The following FGF13 variants were observed in gnomAD, a reference collection of about 807,000 sequenced individuals.
FGF13 encodes the protein fibroblast growth factor 13.
In FGF13, 2 loss-of-function variants were observed where a neutral mutation model predicts 19.5. That is an observed-to-expected ratio of 0.10 (90% CI 0.04 to 0.32). FGF13 has a LOEUF of 0.32. FGF13 is among the 10% of genes least tolerant of loss of function. The probability of loss-of-function intolerance (pLI) is 1.00; values close to 1 mark genes in which losing one functional copy is unlikely to be tolerated. For missense variants in FGF13, 113 were observed against 192.7 expected (o/e 0.59, Z 2.45); for synonymous variants, 72 against 76.9 (o/e 0.94, Z 0.33).
At chrX:139,016,492 CAT>C (rs1177811338) in intron 1 of FGF13, among the ~76,000 whole-genome samples, 5 of 111,589 alleles carry the variant, frequency 4.5e-5, no homozygotes. Context: ...AAAAGTGTAA[CAT>C]ATATAATTTA....
chrX:138,909,125 T>C (rs1323293886), intron 1 of FGF13, among the ~76,000 whole-genome samples: 1 of 111,951 alleles, frequency 8.9e-6, no homozygotes, highest in African/African-American at 3.2e-5. Context: ...GTTGTCTTTA[T>C]GTGGTTTTCC....
intron 1 of FGF13, among the ~76,000 whole-genome samples, chrX:138,928,501 C>T (rs1232212632): frequency 1.8e-5 from 2 of 110,421 alleles, no homozygotes; most frequent in Non-Finnish European, 3.8e-5. Flanking sequence ...ACTCCTCTTG[C>T]AGGAAGATGT....
intron 1 of FGF13, among the ~76,000 whole-genome samples, chrX:139,164,093 C>CTTTTTTT (rs56733431): frequency 2.1e-5 from 2 of 93,755 alleles, no homozygotes; most frequent in Admixed American, 1.2e-4. Flanking sequence ...GCTGAGTTTT[C>CTTTTTTT]TTTTTTTTTT....
At chrX:138,738,059 C>T (rs887795153) in intron 1 of FGF13, among the ~76,000 whole-genome samples, 1 of 112,237 alleles carries the variant, frequency 8.9e-6, no homozygotes, top group South Asian at 3.7e-4. Flanking sequence ...AAACAATGCT[C>T]ATGCAACATG....
chrX:138,765,940 C>A (rs2090499447), intron 3 of FGF13, among the ~76,000 whole-genome samples: 1 of 111,340 alleles, frequency 9.0e-6, no homozygotes, highest in Non-Finnish European at 1.9e-5. Flanking sequence ...GGAGTGAAGC[C>A]CCTATTTCCA....
chrX:138,942,962 C>CT (rs1252762432), intron 1 of FGF13, among the ~76,000 whole-genome samples: 1 of 111,886 alleles, frequency 8.9e-6, no homozygotes, highest in Non-Finnish European at 1.9e-5. Context: ...CAAATAGTTT[C>CT]TGAAAGCATT....
Position 138,618,878 on chromosome X carries a change from A to G in FGF13, c.*13972T>C, listed in dbSNP as rs1231814733. 8.9e-6 allele frequency: 1 copy of G among 111,901 alleles called. No individual in the cohort carries two copies. 9.2% of individuals were successfully genotyped at this position (111,901 alleles called of 1,213,427 possible). ...CAAAAAGAGCTTGAGTGACACATCT[A>G]CAGAAAAGATGTGCAAGAGTCTTAG... On this transcript the variant is annotated 3_prime_UTR_variant, in exon 5 of 5. Transcript: ENST00000315930.
intron 1 of FGF13, among the ~76,000 whole-genome samples, chrX:139,150,610 G>A (rs1271973422): frequency 1.8e-5 from 2 of 111,702 alleles, no homozygotes; most frequent in African/African-American, 6.5e-5. Context: ...GAGTCCACCT[G>A]CAGTGCCTTC....
intron 1 of FGF13, among the ~76,000 whole-genome samples, chrX:138,892,002 A>ATGTGTGTGTGTGTGTGTGTG (rs3077315): frequency 4.4e-4 from 40 of 90,380 alleles, no homozygotes; most frequent in African/African-American, 1.7e-3. Context: ...ATATATACAT[A>ATGTGTGTGTGTGTGTGTGTG]TGTGTGTGTG....
intron 1 of FGF13, among the ~76,000 whole-genome samples, chrX:139,025,291 T>A (rs2092196825): frequency 8.9e-6 from 1 of 111,864 alleles, no homozygotes; most frequent in Non-Finnish European, 1.9e-5. Flanking sequence ...TCTTTTATAC[T>A]TTTCTTCAGT....
At chrX:138,849,364 G>A (rs185066734) in intron 3 of FGF13, among the ~76,000 whole-genome samples, 1 of 111,963 alleles carries the variant, frequency 8.9e-6, no homozygotes, top group Admixed American at 9.5e-5. Flanking sequence ...ATAAATATAT[G>A]ATCAGTGTTG....
intron 1 of FGF13, among the ~76,000 whole-genome samples, chrX:138,948,983 A>T (rs1357307677): frequency 3.6e-5 from 4 of 111,897 alleles, no homozygotes; most frequent in Non-Finnish European, 7.5e-5. Flanking sequence ...CAACTCTATT[A>T]GGTAGGTATT....
chrX:139,037,422 T>TA lies in FGF13; in HGVS notation c.-113+165993dup, dbSNP rs1393508118. Among the ~76,000 whole-genome samples, 872 of 102,048 alleles carry TA rather than the reference T, an allele frequency of 8.5e-3. 3 individuals carry two copies. The highest frequency in any genetic ancestry group is 0.012 in the Non-Finnish European group (600 of 49,457). 88.6% of individuals were successfully genotyped at this position (102,048 alleles called of 115,157 possible). A position where few individuals can be genotyped will look rare whatever the true frequency, so the allele number is the denominator to read the frequency against. On this transcript the variant is annotated intron_variant, in intron 1 of 2. Coordinates refer to the FGF13 transcript ENST00000421460. ...TTTTATTAGTTTCCTATTGGTGCTG[T>TA]AAAAAAAAAAAAGATTACCATAAAT...
chrX:138,753,278 G>A (rs1051989007), intron 3 of FGF13, among the ~76,000 whole-genome samples: 3 of 112,132 alleles, frequency 2.7e-5, no homozygotes, highest in Non-Finnish European at 3.8e-5. Flanking sequence ...TCTCCTTGCT[G>A]ATTCTTAGCT....
chrX:138,777,920 A>G (rs2090601478), intron 3 of FGF13, among the ~76,000 whole-genome samples: 1 of 112,079 alleles, frequency 8.9e-6, no homozygotes, highest in African/African-American at 3.2e-5. Flanking sequence ...TGAAAAAAAA[A>G]AAGATACTCA....
chrX:139,160,038 T>A (rs987381134), intron 1 of FGF13, among the ~76,000 whole-genome samples: 1 of 111,886 alleles, frequency 8.9e-6, no homozygotes, highest in African/African-American at 3.3e-5. Flanking sequence ...AGAAGATACA[T>A]TCTTCTTAGC....
chrX:138,891,153 C>G (rs749435300), intron 1 of FGF13, among the ~76,000 whole-genome samples: 1 of 111,397 alleles, frequency 9.0e-6, no homozygotes, highest in Non-Finnish European at 1.9e-5. Context: ...TTTGTGGTGT[C>G]GGGCACCTGT....
chrX:138,828,417 A>G (rs1031466405), intron 3 of FGF13, among the ~76,000 whole-genome samples: 1 of 110,061 alleles, frequency 9.1e-6, no homozygotes, highest in Non-Finnish European at 1.9e-5. Flanking sequence ...AAATACAAAA[A>G]AAATTAGCCG....
intron 1 of FGF13, among the ~76,000 whole-genome samples, chrX:138,910,126 C>T (rs1603023858): frequency 9.0e-6 from 1 of 110,875 alleles, no homozygotes; most frequent in East Asian, 2.8e-4. Context: ...CTATGTACCA[C>T]AGGTCTTCCT....
Sources: allele counts gnomAD v4.1 joint callset (sites outside exome capture counted in the v4.1 genomes callset), GRCh38; gene constraint gnomAD v4.1.1; transcripts MANE v1.5; gene names NCBI Gene and HGNC (gene_info 2026-07-23, HGNC 2026-07-21).